Variants in TMEM255A observed in about 807,000 individuals in gnomAD.
TMEM255A encodes the protein transmembrane protein 255A.
In TMEM255A, 14 loss-of-function variants were observed where a neutral mutation model predicts 23.5. That is an observed-to-expected ratio of 0.60 (90% CI 0.39 to 0.93). TMEM255A has a LOEUF of 0.93. Ranked by LOEUF, TMEM255A falls within the 40% of genes least tolerant of loss-of-function variation. TMEM255A has a pLI of 0.00. For missense variants in TMEM255A, 233 were observed against 261.7 expected, an observed-to-expected ratio of 0.89 and a Z score of 0.76; for synonymous variants, 104 against 100.3, an observed-to-expected ratio of 1.04 and a Z score of -0.22.
Position 120,285,155 on chromosome X carries a change from A to C in TMEM255A, c.484T>G (p.Phe162Val), listed in dbSNP as rs782575966. The change falls in exon 6 of 9, where the codon TTC becomes GTC. Residue 162 changes from phenylalanine (F) to valine (V), a missense_variant. Phe to Val is a conservative substitution (Grantham distance 50). Coordinates refer to ENST00000371369, the MANE Select transcript of TMEM255A (RefSeq NM_001104544.3). ...CTPRIRGNTCFCCDLYNCGNR... is the reference protein window; with the variant it reads ...CTPRIRGNTCVCCDLYNCGNR... ...CCACAGTTGTAGAGGTCACAGCAGA[A>C]GCAGGTGTTGCCCCGGATGCGAGGT... The C allele has an allele frequency of 1.2e-5, 14 of 1,211,563 alleles. No homozygotes were observed. The highest frequency in any genetic ancestry group is 1.6e-5 in the Non-Finnish European group (14 of 895,233).
At chrX:120,311,006 G>A (rs1169019162) in intron 1 of TMEM255A, among the ~76,000 whole-genome samples, 1 of 109,955 alleles carries the variant, frequency 9.1e-6, no homozygotes, top group African/African-American at 3.3e-5. Context: ...GCACACACCC[G>A]CACTCCGGGG....
chrX:120,275,435 T>C (rs1556019566), intron 7 of TMEM255A, among the ~76,000 whole-genome samples: 1 of 111,865 alleles, frequency 8.9e-6, no homozygotes, highest in Non-Finnish European at 1.9e-5. Context: ...TTCTTTTCCC[T>C]TGTCCTACCC....
At chrX:120,252,355 T>C in the TMEM255A span, among the ~76,000 whole-genome samples, 1 of 110,978 alleles carries the variant, frequency 9.0e-6, no homozygotes, top group Non-Finnish European at 1.9e-5. Context: ...GGATATTATA[T>C]ATTTTTAATA....
chrX:120,261,162 G>C (rs565358442), intron 8 of TMEM255A, 134 bp from the exon 9 acceptor site: 2 of 872,578 alleles, frequency 2.3e-6, no homozygotes, highest in South Asian at 6.2e-5. Flanking sequence ...AAACCTCACA[G>C]AGTTAATGAG....
downstream of TMEM255A, chrX:120,255,299 G>A: frequency 8.3e-7 from 1 of 1,211,463 alleles, no homozygotes; most frequent in Non-Finnish European, 1.1e-6. Flanking sequence ...CTCCAGTAGG[G>A]ACCACTACAT....
At chrX:120,254,018 T>C, downstream of TMEM255A, 6 of 1,210,143 alleles carry the variant, frequency 5.0e-6, no homozygotes, top group Non-Finnish European at 6.7e-6. Flanking sequence ...GCTCCGAGAT[T>C]CTGCCCACAA....
At chrX:120,288,644 T>C (rs1478625220) in intron 4 of TMEM255A, among the ~76,000 whole-genome samples, 8 of 111,909 alleles carry the variant, frequency 7.1e-5, no homozygotes, top group Non-Finnish European at 9.4e-5. Context: ...AACAAGGCAA[T>C]TGGGAGGCAA....
intron 6 of TMEM255A, among the ~76,000 whole-genome samples, chrX:120,279,147 A>G (rs1354478502): frequency 8.9e-6 from 1 of 111,783 alleles, no homozygotes; most frequent in Non-Finnish European, 1.9e-5. Flanking sequence ...TTTTAAAAAA[A>G]TATTTTTTGT....
chrX:120,289,117 G>A (rs1556022381), intron 4 of TMEM255A, among the ~76,000 whole-genome samples: 1 of 111,840 alleles, frequency 8.9e-6, no homozygotes, highest in African/African-American at 3.3e-5. Flanking sequence ...GGGTCCAAAT[G>A]TGCCTTTCAT....
At chrX:120,277,894 G>A (rs1334153187) in intron 6 of TMEM255A, among the ~76,000 whole-genome samples, 5 of 111,881 alleles carry the variant, frequency 4.5e-5, no homozygotes, top group African/African-American at 6.5e-5. Context: ...CACATTATCC[G>A]CTATGGAATG....
Position 120,311,270 on chromosome X carries a change from A to T in TMEM255A, c.40T>A (p.Ser14Thr). 3 of 1,185,540 alleles carry T rather than the reference A, an allele frequency of 2.5e-6. No individual in the cohort carries two copies. Among genetic ancestry groups the T allele is most frequent in the Non-Finnish European group, 3.4e-6 (3 of 881,945 alleles). The change falls in exon 1 of 9, where the codon TCC becomes ACC. Residue 14 changes from serine to threonine, a missense_variant. Transcript: ENST00000371369. ...SLTQQRSSDMSLPDSMGAFNR... is the reference protein window; with the variant it reads ...SLTQQRSSDMTLPDSMGAFNR... Reference sequence around the variant, plus strand: ...GACTTACCCATGGAATCGGGCAGGGACATGTCGCTGGACCGCTGCTGAGTC... The same window carrying T: ...GACTTACCCATGGAATCGGGCAGGGTCATGTCGCTGGACCGCTGCTGAGTC...
the TMEM255A span, among the ~76,000 whole-genome samples, chrX:120,252,290 T>C: frequency 9.0e-6 from 1 of 111,125 alleles, no homozygotes; most frequent in Non-Finnish European, 1.9e-5. Context: ...ACTTGTCAAC[T>C]AATTGTTAAT....
chrX:120,266,804 C>T (rs1172797751), intron 8 of TMEM255A, among the ~76,000 whole-genome samples: 3 of 112,246 alleles, frequency 2.7e-5, no homozygotes, highest in African/African-American at 9.7e-5. Flanking sequence ...CTTGTTGCCT[C>T]GGTCACTATT....
At chrX:120,268,984 A>G (rs972192477) in intron 7 of TMEM255A, among the ~76,000 whole-genome samples, 1 of 111,589 alleles carries the variant, frequency 9.0e-6, no homozygotes, top group Non-Finnish European at 1.9e-5. Context: ...AGTTGTAAGG[A>G]TTCTTAGAGA....
At chrX:120,271,149 C>T (rs2057757610) in intron 7 of TMEM255A, among the ~76,000 whole-genome samples, 1 of 111,823 alleles carries the variant, frequency 8.9e-6, no homozygotes, top group African/African-American at 3.3e-5. Flanking sequence ...AAGAAGCTCC[C>T]AACAGGTGGA....
At chrX:120,254,293 A>C (rs1556014919), downstream of TMEM255A, 1 of 1,211,801 alleles carries the variant, frequency 8.3e-7, no homozygotes, top group South Asian at 1.8e-5. Flanking sequence ...ACACCACCAA[A>C]TGTCAGTTCT....
At chrX:120,286,103 A>G (rs1214145262) in intron 5 of TMEM255A, 1 of 278,547 alleles carries the variant, frequency 3.6e-6, no homozygotes, top group Non-Finnish European at 6.2e-6. Context: ...CAGTGAGAGA[A>G]ATAGTAAATT....
At chrX:120,272,746 T>C (rs1372467863) in intron 7 of TMEM255A, among the ~76,000 whole-genome samples, 1 of 104,280 alleles carries the variant, frequency 9.6e-6, no homozygotes, top group Admixed American at 1.0e-4. Flanking sequence ...GGCTATTTTT[T>C]TTTTTTTTTT....
intron 8 of TMEM255A, among the ~76,000 whole-genome samples, chrX:120,266,539 A>G (rs2057719112): frequency 8.9e-6 from 1 of 112,143 alleles, no homozygotes; most frequent in Non-Finnish European, 1.9e-5. Context: ...CATACCCAAA[A>G]GAGAGGTTTC....
Sources: allele counts gnomAD v4.1 joint callset (sites outside exome capture counted in the v4.1 genomes callset), GRCh38; gene constraint gnomAD v4.1.1; transcripts MANE v1.5; gene names NCBI Gene and HGNC (gene_info 2026-07-23, HGNC 2026-07-21).